Variants in L3HYPDH observed in about 807,000 individuals in gnomAD.
The protein encoded by L3HYPDH is trans-L-3-hydroxyproline dehydratase.
L3HYPDH carries 32 observed loss-of-function variants against 26.5 expected under a neutral mutation model. The observed-to-expected ratio is 1.21, with a 90% CI of 0.91 to 1.62. The LOEUF (loss-of-function observed/expected upper bound fraction) is 1.62. L3HYPDH is among the 40% of genes most tolerant of loss of function. The probability of loss-of-function intolerance (pLI) is 0.00; values close to 1 mark genes in which losing one functional copy is unlikely to be tolerated. For missense variants in L3HYPDH, 554 were observed against 476.4 expected (o/e 1.16, Z -1.52); for synonymous variants, 215 against 196.6 (o/e 1.09, Z -0.78).
rs1257089693 is a variant in L3HYPDH, at chr14:59,475,961, A to T, written c.847T>A (p.Leu283Ile). The T allele has an allele frequency of 1.2e-6, 2 of 1,613,972 alleles. No individual in the cohort carries two copies. Among genetic ancestry groups the T allele is most frequent in the Non-Finnish European group, 1.7e-6 (2 of 1,179,888 alleles). The change falls in exon 4 of 5, where the codon TTA becomes ATA. Residue 283 changes from leucine to isoleucine, a missense_variant. Leu to Ile is a conservative substitution (Grantham distance 5, BLOSUM62 2). Coordinates refer to ENST00000247194, the MANE Select transcript of L3HYPDH (RefSeq NM_144581.2). ...TGSGVTARIALQYHKGLLELN... is the reference protein window; with the variant it reads ...TGSGVTARIAIQYHKGLLELN... The stretch of plus-strand genomic sequence containing the variant: ...TCCAGAAGCCCTTTGTGATACTGTA[A>T]GGCAATTCGGGCTGTCACTCCTGAG...
chr14:59,501,767 A>T, the L3HYPDH span, among the ~76,000 whole-genome samples: 2 of 152,298 alleles, frequency 1.3e-5, no homozygotes, highest in South Asian at 4.1e-4. Flanking sequence ...TGGAGCTAAC[A>T]TTAATAGCCA....
upstream of L3HYPDH, chr14:59,484,884 TG>T: frequency 7.6e-7 from 1 of 1,316,596 alleles, no homozygotes; most frequent in Non-Finnish European, 1.0e-6. Flanking sequence ...AACACTTGCT[TG>T]AGGGTTGACT....
chr14:59,489,005 T>C (rs1176254059), upstream of L3HYPDH, among the ~76,000 whole-genome samples: 1 of 152,258 alleles, frequency 6.6e-6, no homozygotes, highest in Non-Finnish European at 1.5e-5. Flanking sequence ...GAAAGACTTC[T>C]GAAATGCCTT....
upstream of L3HYPDH, chr14:59,486,684 T>C: frequency 4.2e-6 from 6 of 1,429,168 alleles, no homozygotes; most frequent in Non-Finnish European, 5.8e-6. Flanking sequence ...ACAAAAGATG[T>C]TACTATACTG....
intron 1 of L3HYPDH, among the ~76,000 whole-genome samples, chr14:59,480,549 CAGAGT>C (rs1165173012): frequency 6.6e-6 from 1 of 152,180 alleles, no homozygotes; most frequent in Non-Finnish European, 1.5e-5. Context: ...ACCAAAAGGA[CAGAGT>C]AGAGTTTCAG....
downstream of L3HYPDH, among the ~76,000 whole-genome samples, chr14:59,470,863 G>A (rs1213585707): frequency 6.6e-6 from 1 of 150,614 alleles, no homozygotes; most frequent in Non-Finnish European, 1.5e-5. Flanking sequence ...ATCCACAGAG[G>A]GAAGGAGGGA....
chr14:59,471,150 A>G (rs1232722924), downstream of L3HYPDH, among the ~76,000 whole-genome samples: 1 of 152,146 alleles, frequency 6.6e-6, no homozygotes, highest in Non-Finnish European at 1.5e-5. Context: ...AGTTCAAGGG[A>G]ACCAGGGTGA....
intron 4 of L3HYPDH, 31 bp downstream of exon 4, chr14:59,475,838 T>A (rs1412883957): frequency 6.3e-7 from 1 of 1,592,120 alleles, no homozygotes; most frequent in Non-Finnish European, 8.5e-7. Context: ...AGTGACACAT[T>A]TATAAATAAG....
the L3HYPDH span, among the ~76,000 whole-genome samples, chr14:59,499,706 A>G: frequency 7.1e-6 from 1 of 140,700 alleles, no homozygotes; most frequent in Admixed American, 7.0e-5. Flanking sequence ...TAATTTGGTA[A>G]TATAGTTTGG....
chr14:59,502,773 T>TTTTTTTTTTTTTTTTTG, the L3HYPDH span, among the ~76,000 whole-genome samples: 40 of 102,834 alleles, frequency 3.9e-4, 1 homozygote, highest in African/African-American at 1.1e-3. Flanking sequence ...TTTTTTTTTT[T>TTTTTTTTTTTTTTTTTG]CGGAGTCTCA....
At chr14:59,493,745 A>G in the L3HYPDH span, among the ~76,000 whole-genome samples, 1 of 152,212 alleles carries the variant, frequency 6.6e-6, no homozygotes, top group African/African-American at 2.4e-5. Flanking sequence ...TAAAATTTAT[A>G]TGGAAGAGCA....
chr14:59,470,953 G>A (rs1889292596), downstream of L3HYPDH, among the ~76,000 whole-genome samples: 1 of 103,196 alleles, frequency 9.7e-6, no homozygotes, highest in African/African-American at 3.6e-5. Context: ...GGTGGCTGGG[G>A]GCGGGGGGGG....
chr14:59,476,018 TA>T lies in L3HYPDH; in HGVS notation c.802-13del, dbSNP rs1479477784. 6.2e-7 allele frequency: 1 copy of T among 1,613,776 alleles called. No individual in the cohort carries two copies. Among genetic ancestry groups the T allele is most frequent in the Admixed American group, 1.7e-5 (1 of 59,980 alleles). ...GGACTTCTGTCAACCTGTTTCAGAA[TA>T]AATGAAGACAGAATGTTCATAGTGT... On this transcript the variant is annotated splice_polypyrimidine_tract_variant and intron_variant, in intron 3 of 4. Transcript: ENST00000247194.
chr14:59,495,099 A>G, the L3HYPDH span: 2 of 1,613,400 alleles, frequency 1.2e-6, no homozygotes, highest in East Asian at 2.2e-5. Flanking sequence ...TGAGTGATCC[A>G]GTTGGTGTTC....
chr14:59,503,273 T>C, the L3HYPDH span, among the ~76,000 whole-genome samples: 1 of 152,168 alleles, frequency 6.6e-6, no homozygotes, highest in Non-Finnish European at 1.5e-5. Flanking sequence ...TGTTGCAAAT[T>C]ACGTTTTAAT....
At chr14:59,492,588 A>G in the L3HYPDH span, among the ~76,000 whole-genome samples, 1 of 152,204 alleles carries the variant, frequency 6.6e-6, no homozygotes, top group Non-Finnish European at 1.5e-5. Flanking sequence ...TCGAGATATA[A>G]TTTACCAGGC....
intron 1 of L3HYPDH, among the ~76,000 whole-genome samples, chr14:59,481,155 TCA>T (rs1476645090): frequency 1.3e-5 from 2 of 152,228 alleles, no homozygotes; most frequent in South Asian, 4.1e-4. Flanking sequence ...TCACTGAGTT[TCA>T]GTTTCCTTTT....
the L3HYPDH span, among the ~76,000 whole-genome samples, chr14:59,491,905 GGC>G: frequency 6.6e-6 from 1 of 152,188 alleles, no homozygotes; most frequent in Non-Finnish European, 1.5e-5. Flanking sequence ...AGGTAGTAGT[GGC>G]CATGGCTGCT....
chr14:59,499,740 TG>T, the L3HYPDH span, among the ~76,000 whole-genome samples: 1 of 152,132 alleles, frequency 6.6e-6, no homozygotes, highest in African/African-American at 2.4e-5. Context: ...TTCAAGGTGA[TG>T]GTGGGGCTTG....
Sources: gnomAD v4.1 joint callset for allele counts (sites outside exome capture counted in the v4.1 genomes callset) on GRCh38, gnomAD v4.1.1 for gene constraint, MANE v1.5 for transcripts, NCBI Gene and HGNC (gene_info 2026-07-23, HGNC 2026-07-21) for gene names.